The following EFNB2 variants were observed in gnomAD, a reference collection of about 807,000 sequenced individuals.
EFNB2 encodes the protein ephrin B2, also known as ephrin-B2.
Under a neutral mutation model 32.1 loss-of-function variants are expected in EFNB2, and 5 were observed. The ratio of observed to expected loss-of-function variants is 0.16; its 90% CI spans 0.08 to 0.33. The LOEUF (loss-of-function observed/expected upper bound fraction) is 0.33, where lower values mean the gene tolerates loss of function less well. Among genes scored for constraint, EFNB2 ranks in the 10% least tolerant of loss-of-function variants. EFNB2 has a pLI of 1.00. For missense variants in EFNB2, 263 were observed against 422.6 expected (o/e 0.62, Z 3.31); for synonymous variants, 168 against 166.5 (o/e 1.01, Z -0.07).
chr13:106,526,230 G>A (rs1879695878), intron 1 of EFNB2, among the ~76,000 whole-genome samples: 1 of 152,172 alleles, frequency 6.6e-6, no homozygotes, highest in Non-Finnish European at 1.5e-5. Flanking sequence ...AGTAGCAGAA[G>A]GATGACAGTT....
chr13:106,494,913 G>C lies in EFNB2; in HGVS notation c.581C>G (p.Ser194Trp). The change falls in exon 4 of 5, where the codon TCG becomes TGG. Residue 194 changes from serine (S) to tryptophan (W), a missense_variant. Transcript: ENST00000646441. ...TGGTTTTACAAAGGGACTTGTTGTCGAACTTCTTCCATTTGTACCAGCTTC... is the reference window on the plus strand; with the variant it reads ...TGGTTTTACAAAGGGACTTGTTGTCCAACTTCTTCCATTTGTACCAGCTTC... ...ELEAGTNGRSSTTSPFVKPNP... is the reference protein window; with the variant it reads ...ELEAGTNGRSWTTSPFVKPNP... 1 of 1,614,116 alleles carries C rather than the reference G, an allele frequency of 6.2e-7. No homozygotes were observed. The highest frequency in any genetic ancestry group is 1.1e-5 in the South Asian group (1 of 91,078).
chr13:106,530,496 T>C (rs771125875), intron 1 of EFNB2, among the ~76,000 whole-genome samples: 8 of 152,198 alleles, frequency 5.3e-5, no homozygotes, highest in Non-Finnish European at 1.2e-4. Context: ...CAGGCAGAGA[T>C]TAGGCTGATA....
chr13:106,494,488 A>T (rs1404976959), intron 4 of EFNB2, among the ~76,000 whole-genome samples: 1 of 152,236 alleles, frequency 6.6e-6, no homozygotes, highest in Non-Finnish European at 1.5e-5. Context: ...TTAGAAGAGG[A>T]TCAATTAAAC....
At position 106,534,604 on chromosome 13, in the gene EFNB2, C is replaced by A. The variant is rs927278740; in HGVS notation, c.122+239G>T. On this transcript the variant is annotated intron_variant, in intron 1 of 4. Transcript: ENST00000646441. ...CACCCGAGCCGATAGTAGCTTTTAG[C>A]GCCTGGGAGCGTTCGGGGGAGGAAA... 2.0e-5 allele frequency among the ~76,000 whole-genome samples: 3 copies of A among 152,060 alleles called. No individual in the cohort carries two copies. The South Asian group carries it at 6.2e-4, about 32-fold the overall frequency.
chr13:106,495,009 A>C lies in EFNB2; in HGVS notation c.500-15T>G. The C allele has an allele frequency of 1.5e-5, 24 of 1,600,958 alleles. No homozygotes were observed. The highest frequency in any genetic ancestry group is 2.1e-5 in the Non-Finnish European group (24 of 1,168,068). ...AGAACTTGCATCTATATGAAAAACA[A>C]ATGATTAATTACGGCACAGACATCT... On this transcript the variant is annotated splice_polypyrimidine_tract_variant and intron_variant, in intron 3 of 4. Coordinates refer to ENST00000646441, the MANE Select transcript of EFNB2 (RefSeq NM_004093.4).
At chr13:106,533,477 T>G (rs980867512) in intron 1 of EFNB2, among the ~76,000 whole-genome samples, 2 of 152,244 alleles carry the variant, frequency 1.3e-5, no homozygotes, top group Non-Finnish European at 2.9e-5. Flanking sequence ...GCTAAGTAAC[T>G]TCTCCGTATG....
intron 1 of EFNB2, among the ~76,000 whole-genome samples, chr13:106,524,658 C>G (rs1023329080): frequency 1.3e-5 from 2 of 152,176 alleles, no homozygotes; most frequent in African/African-American, 4.8e-5. Flanking sequence ...TACTGCCCAT[C>G]CCTCCAGGTT....
intron 2 of EFNB2, among the ~76,000 whole-genome samples, chr13:106,498,747 G>T (rs1878674954): frequency 6.6e-6 from 1 of 152,182 alleles, no homozygotes; most frequent in Non-Finnish European, 1.5e-5. Flanking sequence ...GCCTTTGTAG[G>T]TTCCTCTGAA....
intron 1 of EFNB2, among the ~76,000 whole-genome samples, chr13:106,524,822 G>A (rs1879645718): frequency 6.6e-6 from 1 of 152,164 alleles, no homozygotes; most frequent in African/African-American, 2.4e-5. Context: ...CCAAAAGCAG[G>A]AAAGCAGAGG....
At position 106,512,725 on chromosome 13, in the gene EFNB2, A is replaced by G. The variant is rs1566459334; in HGVS notation, c.210T>C (p.Val70=). The part of the protein sequence containing the change: ...IICPKVDSKT[V]GQYEYYKVYM... The stretch of plus-strand genomic sequence containing the variant: ...AAACTTTATAATATTCATACTGGCC[A>G]ACAGTTTTAGAGTCCACTTTGGGGC... Residue 70 remains valine, a synonymous_variant, in exon 2 of 5, where the codon GTT becomes GTC. Transcript: ENST00000646441. 3 of 1,613,828 alleles carry G rather than the reference A, an allele frequency of 1.9e-6. No individual in the cohort carries two copies. Among genetic ancestry groups the G allele is most frequent in the Non-Finnish European group, 2.5e-6 (3 of 1,179,892 alleles).
intron 2 of EFNB2, among the ~76,000 whole-genome samples, chr13:106,499,995 C>T (rs1010901622): frequency 6.6e-6 from 1 of 152,148 alleles, no homozygotes; most frequent in African/African-American, 2.4e-5. Flanking sequence ...CTGCCATCTG[C>T]GGTTTGCCAT....
intron 1 of EFNB2, chr13:106,516,114 T>G (rs1019526843): frequency 6.6e-6 from 1 of 152,224 alleles, no homozygotes; most frequent in Admixed American, 6.5e-5. Flanking sequence ...GAAGTCAAAT[T>G]AAATACCACT....
At chr13:106,523,507 C>CT (rs1341382765) in intron 1 of EFNB2, among the ~76,000 whole-genome samples, 1 of 152,210 alleles carries the variant, frequency 6.6e-6, no homozygotes, top group Non-Finnish European at 1.5e-5. Flanking sequence ...GCTGGGGACT[C>CT]TGAGTTCTAA....
chr13:106,494,640 A>G (rs1459515035), intron 4 of EFNB2, among the ~76,000 whole-genome samples: 1 of 152,230 alleles, frequency 6.6e-6, no homozygotes, highest in Admixed American at 6.5e-5. Context: ...TAGTTCTAAT[A>G]ACTGGCACTT....
chr13:106,499,215 A>G (rs1331448731), intron 2 of EFNB2, among the ~76,000 whole-genome samples: 1 of 152,036 alleles, frequency 6.6e-6, no homozygotes, highest in Admixed American at 6.6e-5. Flanking sequence ...TCCTCATCAC[A>G]GAGTGTAATT....
At chr13:106,519,408 G>C (rs1021800083) in intron 1 of EFNB2, 1 of 152,154 alleles carries the variant, frequency 6.6e-6, no homozygotes, top group African/African-American at 2.4e-5. Context: ...GCTGGTGCAA[G>C]TGTGAGCAGA....
chr13:106,495,494 TCTATTATCTATC>T (rs1313672445), intron 3 of EFNB2, among the ~76,000 whole-genome samples: 2 of 140,868 alleles, frequency 1.4e-5, no homozygotes, highest in African/African-American at 5.1e-5. Context: ...TATCTATCTA[TCTATTATCTATC>T]TATCTATCTA....
chr13:106,522,697 C>T (rs1879565182), intron 1 of EFNB2, among the ~76,000 whole-genome samples: 1 of 151,088 alleles, frequency 6.6e-6, no homozygotes, highest in African/African-American at 2.4e-5. Context: ...TTTTTTTTAA[C>T]TACAAAGAAT....
Position 106,534,982 on chromosome 13 carries a change from C to T in EFNB2, c.-18G>A, listed in dbSNP as rs1459306561. 6.2e-7 allele frequency: 1 copy of T among 1,611,998 alleles called. No homozygotes were observed. Among genetic ancestry groups the T allele is most frequent in the Non-Finnish European group, 8.5e-7 (1 of 1,179,020 alleles). ...ACAGCCATGGCGAAGCCACTCCCAG[C>T]TCCGCGCACTCCGGGCCAAGAAGGG... is the stretch of plus-strand genomic sequence containing the variant. On this transcript the variant is annotated 5_prime_UTR_variant, in exon 1 of 5. Coordinates refer to ENST00000646441, the MANE Select transcript of EFNB2 (RefSeq NM_004093.4).
Sources: allele counts gnomAD v4.1 joint callset (sites outside exome capture counted in the v4.1 genomes callset), GRCh38; gene constraint gnomAD v4.1.1; transcripts MANE v1.5; gene names NCBI Gene and HGNC (gene_info 2026-07-23, HGNC 2026-07-21).